Variants in MOXD1 observed in about 807,000 individuals in gnomAD.
MOXD1 encodes the protein DBH-like monooxygenase protein 1.
MOXD1 carries 62 observed loss-of-function variants against 66.6 expected under a neutral mutation model. That is an observed-to-expected ratio of 0.93 (90% CI 0.76 to 1.15). The LOEUF is 1.15. Ranked by LOEUF, MOXD1 falls within the 50% of genes most tolerant of loss-of-function variation. The pLI is 0.00. For synonymous variants in MOXD1, 303 were observed against 281.9 expected, an observed-to-expected ratio of 1.07 and a Z score of -0.75; for missense variants, 847 against 754.6, an observed-to-expected ratio of 1.12 and a Z score of -1.44.
intron 1 of MOXD1, among the ~76,000 whole-genome samples, chr6:132,400,610 C>G (rs543107845): frequency 1.3e-5 from 2 of 152,164 alleles, no homozygotes; most frequent in South Asian, 2.1e-4. Context: ...GAACAGCTCT[C>G]GGAATAGGAA....
At chr6:132,351,014 A>G (rs1775789613) in intron 4 of MOXD1, among the ~76,000 whole-genome samples, 1 of 152,126 alleles carries the variant, frequency 6.6e-6, no homozygotes, top group Non-Finnish European at 1.5e-5. Flanking sequence ...ACTTTGCCAA[A>G]TTCTTCTATC....
At chr6:132,370,196 A>G (rs115403822) in intron 4 of MOXD1, among the ~76,000 whole-genome samples, 1 of 152,220 alleles carries the variant, frequency 6.6e-6, no homozygotes, top group African/African-American at 2.4e-5. Context: ...TTTTCAAAAC[A>G]TAGGAGTCTT....
At chr6:132,339,825 A>G (rs1375337618) in intron 4 of MOXD1, among the ~76,000 whole-genome samples, 3 of 151,808 alleles carry the variant, frequency 2.0e-5, no homozygotes, top group Admixed American at 1.3e-4. Context: ...AAGGATGAAG[A>G]TAATACAATG....
chr6:132,349,418 TATAC>T (rs1350412888), intron 4 of MOXD1, among the ~76,000 whole-genome samples: 12 of 81,946 alleles, frequency 1.5e-4, no homozygotes, highest in African/African-American at 6.4e-4. Flanking sequence ...TATATATATA[TATAC>T]ATATATATAT....
intron 1 of MOXD1, among the ~76,000 whole-genome samples, chr6:132,383,656 C>A (rs1475384048): frequency 6.6e-6 from 1 of 152,134 alleles, no homozygotes; most frequent in Non-Finnish European, 1.5e-5. Flanking sequence ...AGCATAAAAT[C>A]AAAATTTTGA....
intron 4 of MOXD1, among the ~76,000 whole-genome samples, chr6:132,372,046 C>T (rs753694501): frequency 2.0e-5 from 3 of 152,132 alleles, no homozygotes; most frequent in Non-Finnish European, 4.4e-5. Flanking sequence ...TGCAAAAGTT[C>T]TGGGAGGCCC....
intron 10 of MOXD1, among the ~76,000 whole-genome samples, chr6:132,305,979 C>T (rs1774680188): frequency 6.6e-6 from 1 of 152,030 alleles, no homozygotes; most frequent in Non-Finnish European, 1.5e-5. Context: ...TGCAACATCG[C>T]TCCATCAAGG....
intron 1 of MOXD1, among the ~76,000 whole-genome samples, chr6:132,375,932 T>C (rs1776369565): frequency 6.6e-6 from 1 of 152,186 alleles, no homozygotes; most frequent in Non-Finnish European, 1.5e-5. Flanking sequence ...AATGAGATGG[T>C]TTGGGCGGGG....
At chr6:132,343,035 GCTTGAGTA>G (rs1252451620) in intron 4 of MOXD1, among the ~76,000 whole-genome samples, 1 of 152,172 alleles carries the variant, frequency 6.6e-6, no homozygotes, top group Non-Finnish European at 1.5e-5. Context: ...CTAAAAAAAT[GCTTGAGTA>G]CTACAACTTT....
chr6:132,321,346 C>T (rs1356517472), intron 8 of MOXD1, among the ~76,000 whole-genome samples: 2 of 151,834 alleles, frequency 1.3e-5, no homozygotes, highest in Non-Finnish European at 2.9e-5. Flanking sequence ...AACAAATGAA[C>T]ATTTAATAAA....
chr6:132,395,174 G>A (rs1776844794), intron 1 of MOXD1, among the ~76,000 whole-genome samples: 1 of 152,030 alleles, frequency 6.6e-6, no homozygotes, highest in Non-Finnish European at 1.5e-5. Context: ...AAAAAAAACT[G>A]CCAACCAAGG....
chr6:132,351,345 C>T (rs1050917625), intron 4 of MOXD1, among the ~76,000 whole-genome samples: 4 of 152,006 alleles, frequency 2.6e-5, no homozygotes, highest in African/African-American at 4.8e-5. Context: ...GAGTTTTAAT[C>T]GTAAAGGGAT....
intron 4 of MOXD1, among the ~76,000 whole-genome samples, chr6:132,349,824 G>C (rs993705480): frequency 6.6e-6 from 1 of 152,104 alleles, no homozygotes; most frequent in South Asian, 2.1e-4. Flanking sequence ...TCTTGCAGGA[G>C]TAAGGTGGTA....
chr6:132,387,832 G>A (rs1368786106), intron 1 of MOXD1, among the ~76,000 whole-genome samples: 1 of 149,012 alleles, frequency 6.7e-6, no homozygotes, highest in Non-Finnish European at 1.5e-5. Context: ...CTTTATTAGT[G>A]CATCCTCTAC....
chr6:132,386,524 G>A (rs1406987095), intron 1 of MOXD1, among the ~76,000 whole-genome samples: 1 of 150,566 alleles, frequency 6.6e-6, no homozygotes, highest in Non-Finnish European at 1.5e-5. Context: ...TCTATCCAGA[G>A]ACCAGGCAAA....
At chr6:132,366,898 T>C (rs2114652535) in intron 4 of MOXD1, among the ~76,000 whole-genome samples, 1 of 152,170 alleles carries the variant, frequency 6.6e-6, no homozygotes, top group Admixed American at 6.6e-5. Context: ...TTCAAGGACA[T>C]TCCATGGCTA....
At chr6:132,363,637 T>C (rs148912433) in intron 4 of MOXD1, among the ~76,000 whole-genome samples, 1 of 152,176 alleles carries the variant, frequency 6.6e-6, no homozygotes, top group African/African-American at 2.4e-5. Flanking sequence ...ATTTGTGTAA[T>C]GTTGAGCAAG....
At chr6:132,301,949 G>A (rs1156567049) in intron 10 of MOXD1, among the ~76,000 whole-genome samples, 1 of 151,828 alleles carries the variant, frequency 6.6e-6, no homozygotes, top group East Asian at 1.9e-4. Flanking sequence ...GCAGGAAAGG[G>A]AATTTCGAAA....
chr6:132,310,531 A>G (rs1774805006), intron 10 of MOXD1, among the ~76,000 whole-genome samples: 1 of 152,188 alleles, frequency 6.6e-6, no homozygotes, highest in African/African-American at 2.4e-5. Flanking sequence ...ATTCTACTAT[A>G]AAGACACATG....
Sources: allele counts gnomAD v4.1 joint callset (sites outside exome capture counted in the v4.1 genomes callset), GRCh38; gene constraint gnomAD v4.1.1; transcripts MANE v1.5; gene names NCBI Gene and HGNC (gene_info 2026-07-23, HGNC 2026-07-21).